The following PARVA variants were observed in gnomAD, a reference collection of about 807,000 sequenced individuals.
PARVA encodes parvin alpha.
A neutral mutation model predicts 52.6 loss-of-function variants in PARVA; 25 were observed. The ratio of observed to expected loss-of-function variants is 0.48; its 90% CI spans 0.35 to 0.66. PARVA has a LOEUF of 0.66. Among genes scored for constraint, PARVA ranks in the 30% least tolerant of loss-of-function variants. The pLI is 0.01. For missense variants in PARVA, 373 were observed against 450.9 expected (o/e 0.83, Z 1.56); for synonymous variants, 185 against 179.1 (o/e 1.03, Z -0.26).
intron 1 of PARVA, among the ~76,000 whole-genome samples, chr11:12,440,629 C>T (rs1167036058): frequency 6.6e-6 from 1 of 152,164 alleles, no homozygotes; most frequent in African/African-American, 2.4e-5. Flanking sequence ...TATCTGGTGG[C>T]CCTGGAAAAG....
chr11:12,500,840 G>A (rs1463244587), intron 5 of PARVA, among the ~76,000 whole-genome samples: 2 of 151,126 alleles, frequency 1.3e-5, no homozygotes, highest in Non-Finnish European at 2.9e-5. Context: ...GGGGCACGGT[G>A]GCCCACACCT....
intron 3 of PARVA, among the ~76,000 whole-genome samples, chr11:12,475,436 G>T (rs1940999129): frequency 6.6e-6 from 1 of 152,152 alleles, no homozygotes; most frequent in South Asian, 2.1e-4. Flanking sequence ...AGCTTCTTGG[G>T]GTTAGAGACT....
chr11:12,474,029 A>G (rs1302939300), intron 3 of PARVA, 46 bp downstream of exon 3: 2 of 1,399,362 alleles, frequency 1.4e-6, no homozygotes, highest in South Asian at 2.5e-5. Flanking sequence ...CTGACCCACC[A>G]TGTGTCCATA....
At chr11:12,473,388 G>C (rs1332712178) in intron 1 of PARVA, among the ~76,000 whole-genome samples, 1 of 152,144 alleles carries the variant, frequency 6.6e-6, no homozygotes, top group Non-Finnish European at 1.5e-5. Context: ...CACCAGACAG[G>C]AAGTCCTGGA....
At chr11:12,453,202 C>A (rs1213844452) in intron 1 of PARVA, among the ~76,000 whole-genome samples, 1 of 151,492 alleles carries the variant, frequency 6.6e-6, no homozygotes, top group Admixed American at 6.6e-5. Flanking sequence ...CTTATTGTGG[C>A]TCTGTTGTTA....
At chr11:12,509,036 A>G (rs924831361) in intron 7 of PARVA, among the ~76,000 whole-genome samples, 1 of 151,352 alleles carries the variant, frequency 6.6e-6, no homozygotes, top group Non-Finnish European at 1.5e-5. Flanking sequence ...ATGACCCAGA[A>G]AGCCTCTCTA....
chr11:12,467,025 T>C (rs968288120), intron 1 of PARVA, among the ~76,000 whole-genome samples: 5 of 152,248 alleles, frequency 3.3e-5, no homozygotes, highest in African/African-American at 1.2e-4. Flanking sequence ...TGAATATCTC[T>C]TCCTTTATTT....
At chr11:12,451,846 T>C (rs1436724370) in intron 1 of PARVA, among the ~76,000 whole-genome samples, 4 of 152,194 alleles carry the variant, frequency 2.6e-5, no homozygotes, top group South Asian at 2.1e-4. Flanking sequence ...CTTTTAGCCA[T>C]TGGCTCCTTG....
intron 4 of PARVA, chr11:12,480,360 G>C (rs1449438089): frequency 1.3e-5 from 2 of 152,034 alleles, no homozygotes; most frequent in African/African-American, 4.8e-5. Context: ...ACTGAATACA[G>C]AGAGGAAATG....
rs1443177786 is a variant in PARVA at position 12,513,008 on chromosome 11, A to G, written c.737-291A>G. The G allele has an allele frequency of 5.3e-6, 3 of 566,676 alleles. No individual in the cohort carries two copies. The African/African-American group carries it at 5.6e-5, about 11-fold the overall frequency. 35.1% of individuals were successfully genotyped at this position (566,676 alleles called of 1,614,324 possible). A position where few individuals can be genotyped will look rare whatever the true frequency, so the allele number is the denominator to read the frequency against. On this transcript the variant is annotated intron_variant, in intron 8 of 12. Transcript: ENST00000334956. Reference sequence around the variant, plus strand: ...CTACGTTAGGATATAATGGAATACAATGAAGGGAAATGACTAATCCCGGGT... The same window carrying G: ...CTACGTTAGGATATAATGGAATACAGTGAAGGGAAATGACTAATCCCGGGT...
intron 7 of PARVA, 24 bp downstream of exon 7, chr11:12,508,666 G>A (rs1589985291): frequency 6.5e-6 from 10 of 1,548,140 alleles, no homozygotes; most frequent in Non-Finnish European, 8.9e-6. Flanking sequence ...ATTGTTGCCA[G>A]CGATTCTGTA....
chr11:12,460,732 A>C (rs1940765353), intron 1 of PARVA, among the ~76,000 whole-genome samples: 1 of 152,234 alleles, frequency 6.6e-6, no homozygotes, highest in Admixed American at 6.5e-5. Flanking sequence ...GCAAAAATAA[A>C]TGACTGGCTG....
At chr11:12,494,090 T>C (rs191393658) in intron 4 of PARVA, among the ~76,000 whole-genome samples, 1 of 152,334 alleles carries the variant, frequency 6.6e-6, no homozygotes, top group East Asian at 1.9e-4. Context: ...TTATAAAGGA[T>C]AAAACTCAAA....
chr11:12,453,663 G>A (rs1031782982), intron 1 of PARVA, among the ~76,000 whole-genome samples: 10 of 152,110 alleles, frequency 6.6e-5, no homozygotes, highest in South Asian at 4.2e-4. Context: ...TTTTCCATTC[G>A]GCTTCCACCC....
intron 1 of PARVA, among the ~76,000 whole-genome samples, chr11:12,422,997 G>A (rs1940174410): frequency 6.6e-6 from 1 of 152,062 alleles, no homozygotes; most frequent in African/African-American, 2.4e-5. Context: ...GGGATTACAG[G>A]CTCCTGCCAC....
At chr11:12,453,386 A>G (rs539822183) in intron 1 of PARVA, among the ~76,000 whole-genome samples, 15 of 152,306 alleles carry the variant, frequency 9.8e-5, no homozygotes, top group African/African-American at 3.4e-4. Context: ...AACAATACAA[A>G]GAAGCTTTGG....
intron 12 of PARVA, among the ~76,000 whole-genome samples, chr11:12,527,161 T>C (rs1448480441): frequency 1.3e-5 from 2 of 152,162 alleles, no homozygotes; most frequent in African/African-American, 4.8e-5. Context: ...ACTTTCCACA[T>C]GGAATTCTTT....
chr11:12,462,492 C>T (rs141489901), intron 1 of PARVA, among the ~76,000 whole-genome samples: 14 of 152,270 alleles, frequency 9.2e-5, no homozygotes, highest in African/African-American at 2.2e-4. Flanking sequence ...ATGGATTACC[C>T]GCTAAGCCAG....
At chr11:12,456,596 G>A (rs933138013) in intron 1 of PARVA, among the ~76,000 whole-genome samples, 2 of 151,864 alleles carry the variant, frequency 1.3e-5, no homozygotes, top group Admixed American at 1.3e-4. Flanking sequence ...AACTCTCTAA[G>A]GGCACTCCAC....
Sources: gnomAD v4.1 joint callset for allele counts (sites outside exome capture counted in the v4.1 genomes callset) on GRCh38, gnomAD v4.1.1 for gene constraint, MANE v1.5 for transcripts, NCBI Gene and HGNC (gene_info 2026-07-23, HGNC 2026-07-21) for gene names.